The following CCDC3 variants were observed in gnomAD, a reference collection of about 807,000 sequenced individuals.
The protein encoded by CCDC3 is coiled-coil domain containing 3, also known as coiled-coil domain-containing protein 3.
A neutral mutation model predicts 21.4 loss-of-function variants in CCDC3; 24 were observed. The ratio of observed to expected loss-of-function variants is 1.12; its 90% CI spans 0.81 to 1.58. The LOEUF is 1.58. CCDC3 is among the 40% of genes most tolerant of loss of function. The probability of loss-of-function intolerance (pLI) is 0.00; values close to 1 mark genes in which losing one functional copy is unlikely to be tolerated. For missense variants in CCDC3, 425 were observed against 360.9 expected, an observed-to-expected ratio of 1.18 and a Z score of -1.44; for synonymous variants, 186 against 166.0, an observed-to-expected ratio of 1.12 and a Z score of -0.93.
intron 2 of CCDC3, among the ~76,000 whole-genome samples, chr10:12,989,860 G>A (rs943662790): frequency 2.0e-5 from 3 of 152,058 alleles, no homozygotes; most frequent in African/African-American, 7.2e-5. Flanking sequence ...CAGCCTCATA[G>A]CGCAAATCAA....
chr10:13,009,668 G>C (rs1835962014), intron 5 of CCDC3, among the ~76,000 whole-genome samples: 1 of 152,182 alleles, frequency 6.6e-6, no homozygotes, highest in Non-Finnish European at 1.5e-5. Context: ...ATTGGAAATT[G>C]ATTGGAAAAA....
intron 2 of CCDC3, among the ~76,000 whole-genome samples, chr10:12,923,509 G>A (rs1218019416): frequency 6.6e-6 from 1 of 151,686 alleles, no homozygotes; most frequent in African/African-American, 2.4e-5. Context: ...TGGGTCCCCT[G>A]ACTGCCTGAA....
chr10:12,963,672 C>T (rs1835214301), intron 2 of CCDC3, among the ~76,000 whole-genome samples: 1 of 151,124 alleles, frequency 6.6e-6, no homozygotes, highest in South Asian at 2.1e-4. Context: ...CCTCCTTCTC[C>T]CGGATTCAAG....
chr10:13,012,634 A>C (rs910429733), intron 5 of CCDC3, among the ~76,000 whole-genome samples: 1 of 152,030 alleles, frequency 6.6e-6, no homozygotes, highest in Non-Finnish European at 1.5e-5. Flanking sequence ...AAAAAGAAAA[A>C]AAAGAAAACT....
chr10:12,904,492 G>C, intron 2 of CCDC3, among the ~76,000 whole-genome samples: 1 of 21,774 alleles, frequency 4.6e-5, no homozygotes, highest in African/African-American at 1.2e-4. Context: ...AAAAAAAAAA[G>C]ACTGGCTCAG....
chr10:13,053,892 C>A (rs1338975719), intron 4 of CCDC3, among the ~76,000 whole-genome samples: 5 of 152,108 alleles, frequency 3.3e-5, no homozygotes. Flanking sequence ...CTCTTGTAAT[C>A]GCAGCACTTT....
chr10:12,992,056 C>T (rs1168334444), intron 2 of CCDC3, among the ~76,000 whole-genome samples: 3 of 140,042 alleles, frequency 2.1e-5, no homozygotes, highest in East Asian at 2.1e-4. Context: ...GGTAATAACA[C>T]ATATTTGGAT....
rs1836587093 is a variant in CCDC3 at position 13,050,272 on chromosome 10, G to A, written c.-269-331C>T. On this transcript the variant is annotated intron_variant, in intron 4 of 6. Coordinates refer to the CCDC3 transcript ENST00000378839. ...AAGCCTCATTTACACACAGCACAAG[G>A]AAGGCAGGCTTTCTCCTTGGTAATT... Among the ~76,000 whole-genome samples the A allele has an allele frequency of 2.0e-5, 3 of 152,056 alleles. No homozygotes were observed. The South Asian group carries it at 6.2e-4, about 32-fold the overall frequency.
At chr10:12,977,036 G>A (rs955919900) in intron 2 of CCDC3, among the ~76,000 whole-genome samples, 22 of 152,184 alleles carry the variant, frequency 1.4e-4, no homozygotes, top group African/African-American at 4.8e-4. Context: ...CACTTTGGGA[G>A]GCCAAGGTGG....
At chr10:12,986,493 G>A (rs1230126484) in intron 2 of CCDC3, among the ~76,000 whole-genome samples, 2 of 151,986 alleles carry the variant, frequency 1.3e-5, no homozygotes, top group Non-Finnish European at 2.9e-5. Context: ...AATCCCTGTA[G>A]GCCGGGCACA....
intron 5 of CCDC3, among the ~76,000 whole-genome samples, chr10:13,031,554 G>A (rs556113849): frequency 1.3e-5 from 2 of 152,198 alleles, no homozygotes; most frequent in South Asian, 4.2e-4. Flanking sequence ...AATAAATACA[G>A]GAGCTGGTTT....
intron 5 of CCDC3, among the ~76,000 whole-genome samples, chr10:13,038,860 C>T (rs530627792): frequency 2.0e-5 from 3 of 152,220 alleles, no homozygotes; most frequent in Non-Finnish European, 2.9e-5. Flanking sequence ...CACCATCCTG[C>T]AGCACTTATG....
intron 1 of CCDC3, among the ~76,000 whole-genome samples, chr10:12,999,528 T>C (rs1835814440): frequency 6.6e-6 from 1 of 152,212 alleles, no homozygotes; most frequent in African/African-American, 2.4e-5. Flanking sequence ...TCCAGTTTCA[T>C]CTCAGTGGGT....
intron 5 of CCDC3, among the ~76,000 whole-genome samples, chr10:13,014,471 G>GAAAAAAAAAAAAGA (rs58040998): frequency 8.7e-5 from 12 of 137,614 alleles, no homozygotes; most frequent in Non-Finnish European, 1.5e-4. Context: ...AAAAAAAAAA[G>GAAAAAAAAAAAAGA]AAAAAAAAAA....
chr10:12,925,850 T>C (rs1357076696), intron 2 of CCDC3, among the ~76,000 whole-genome samples: 1 of 152,268 alleles, frequency 6.6e-6, no homozygotes, highest in Non-Finnish European at 1.5e-5. Flanking sequence ...AACCCTGTGC[T>C]TAAGGGATGA....
intron 5 of CCDC3, among the ~76,000 whole-genome samples, chr10:13,015,481 A>ATTGTGTGTTAGTGTG (rs1836044530): frequency 6.8e-6 from 1 of 148,078 alleles, no homozygotes; most frequent in African/African-American, 2.6e-5. Flanking sequence ...GGTTACTGTG[A>ATTGTGTGTTAGTGTG]CTGTGTGTTA....
chr10:12,927,966 T>C (rs185772879), intron 2 of CCDC3, among the ~76,000 whole-genome samples: 1 of 152,236 alleles, frequency 6.6e-6, no homozygotes, highest in Non-Finnish European at 1.5e-5. Context: ...GGGTAACAGA[T>C]GAACATTGCC....
chr10:13,077,381 C>T (rs1467897917), intron 3 of CCDC3, among the ~76,000 whole-genome samples: 5 of 152,206 alleles, frequency 3.3e-5, no homozygotes, highest in African/African-American at 4.8e-5. Flanking sequence ...AATGGAAGAA[C>T]ATTCCATGCT....
At chr10:12,976,108 T>G (rs2580921) in intron 2 of CCDC3, among the ~76,000 whole-genome samples, 87,338 of 152,086 alleles carry the variant, frequency 0.57, 25,106 homozygotes, top group South Asian at 0.65. Flanking sequence ...AGAGTGACAA[T>G]CCCAGGCTGG....
Sources: allele counts gnomAD v4.1 joint callset (sites outside exome capture counted in the v4.1 genomes callset), GRCh38; gene constraint gnomAD v4.1.1; transcripts MANE v1.5; gene names NCBI Gene and HGNC (gene_info 2026-07-23, HGNC 2026-07-21).